Variants in MMP16 observed in about 807,000 individuals in gnomAD.
The protein encoded by MMP16 is matrix metallopeptidase 16.
A neutral mutation model predicts 67.8 loss-of-function variants in MMP16; 12 were observed. The observed-to-expected ratio is 0.18, with a 90% CI of 0.11 to 0.29. The LOEUF (loss-of-function observed/expected upper bound fraction) is 0.29, where lower values mean the gene tolerates loss of function less well. MMP16 is among the 10% of genes least tolerant of loss of function. The pLI is 1.00. For missense variants in MMP16, 475 were observed against 765.7 expected, an observed-to-expected ratio of 0.62 and a Z score of 4.48; for synonymous variants, 249 against 255.9, an observed-to-expected ratio of 0.97 and a Z score of 0.26.
At chr8:88,047,146 T>C (rs1808209598) in intron 8 of MMP16, among the ~76,000 whole-genome samples, 1 of 152,206 alleles carries the variant, frequency 6.6e-6, no homozygotes, top group East Asian at 1.9e-4. Flanking sequence ...TGCATATATA[T>C]ATCAGAGGTT....
intron 1 of MMP16, among the ~76,000 whole-genome samples, chr8:88,298,532 G>A (rs1772745352): frequency 6.6e-6 from 1 of 152,134 alleles, no homozygotes. Context: ...TCACACGAGA[G>A]GAGGGGAGAT....
At chr8:88,229,002 T>C (rs930050037) in intron 1 of MMP16, among the ~76,000 whole-genome samples, 3 of 145,016 alleles carry the variant, frequency 2.1e-5, no homozygotes, top group Non-Finnish European at 1.5e-5. Flanking sequence ...TCTATGAAAA[T>C]AAAAAAAAAA....
chr8:88,283,556 C>T (rs941916919), intron 1 of MMP16, among the ~76,000 whole-genome samples: 2 of 152,102 alleles, frequency 1.3e-5, no homozygotes, highest in South Asian at 2.1e-4. Context: ...TATCTCACCC[C>T]CAGGCACCTC....
rs1329731981 is a variant in MMP16 at position 88,102,935 on chromosome 8, G to A, written c.1083+13572C>T. On this transcript the variant is annotated intron_variant, in intron 6 of 9. Coordinates refer to ENST00000286614, the MANE Select transcript of MMP16 (RefSeq NM_005941.5). ...TTTGCTCAACACTTCTCATTAGCTC[G>A]GTCCCCTACATTCTGTTCCCACCAA... Among the ~76,000 whole-genome samples the A allele has an allele frequency of 5.3e-5, 8 of 151,798 alleles. No homozygotes were observed. The South Asian group carries it at 6.2e-4, about 12-fold the overall frequency.
chr8:88,312,654 T>G (rs1811313127), intron 1 of MMP16, among the ~76,000 whole-genome samples: 1 of 152,154 alleles, frequency 6.6e-6, no homozygotes, highest in South Asian at 2.1e-4. Flanking sequence ...ATCACTGATC[T>G]GCTTTCTGTT....
In MMP16 at chr8:88,225,516, C is replaced by G. The variant is rs563832755; in HGVS notation, c.133-28210G>C. Among the ~76,000 whole-genome samples the G allele has an allele frequency of 5.3e-5, 8 of 151,964 alleles. No homozygotes were observed. The South Asian group carries it at 1.7e-3, about 32-fold the overall frequency. On this transcript the variant is annotated intron_variant, in intron 1 of 9. Transcript: ENST00000286614. ...AAAAACAATGAAATACAAGAGTATACAGAAATACATATTATTCATTGAATA... is the reference window on the plus strand; with the variant it reads ...AAAAACAATGAAATACAAGAGTATAGAGAAATACATATTATTCATTGAATA...
In MMP16 at chr8:88,046,706, A is replaced by C. The variant is rs1286696052; in HGVS notation, c.1452T>G (p.Pro484=). 6.2e-7 allele frequency: 1 copy of C among 1,610,116 alleles called. No homozygotes were observed. The highest frequency in any genetic ancestry group is 1.7e-5 in the Admixed American group (1 of 58,664). Residue 484 remains proline (P), a synonymous_variant, in exon 9 of 10, where the codon CCT becomes CCG. Transcript: ENST00000286614. ...GTACAAATGCTCCCTGAGGAGATTC[A>C]GGGATCCCTTTCCAGACTGTGATTG... ...PKPITVWKGI[P]ESPQGAFVHK... is the part of the protein sequence containing the mutation.
rs562614515 is a variant in MMP16, at chr8:88,208,037, A to G, written c.133-10731T>C. Among the ~76,000 whole-genome samples the G allele has an allele frequency of 3.9e-5, 6 of 152,360 alleles. No individual in the cohort carries two copies. In the South Asian group the frequency reaches 1.2e-3, roughly 32 times the overall value. ...ATAACAGGATAAGTAGCTTCGGCTG[A>G]TAACGAAGCAGGAGACTAGTTATTA... On this transcript the variant is annotated intron_variant, in intron 1 of 9. Coordinates refer to ENST00000286614, the MANE Select transcript of MMP16 (RefSeq NM_005941.5).
In MMP16 at chr8:88,167,845, C is replaced by A. The variant is rs1478992446; in HGVS notation, c.533G>T (p.Gly178Val). 1 of 1,613,828 alleles carries A rather than the reference C, an allele frequency of 6.2e-7. No individual in the cohort carries two copies. ...EEVPYSELEN[G>V]KRDVDITIIF... ...AATGGTTATATCCACATCACGTTTG[C>A]CATTTTCTAATTCACTGTAGGGAAC... Residue 178 changes from glycine (G) to valine (V), a missense_variant, in exon 4 of 10, where the codon GGC becomes GTC. Physicochemically the swap from Gly to Val is moderately radical, Grantham distance 109. Around this residue, in one of 5 missense-constraint regions of MMP16, gnomAD observed 170 missense variants for 239.6 expected, o/e 0.71. Coordinates refer to ENST00000286614, the MANE Select transcript of MMP16 (RefSeq NM_005941.5).
rs775787300 is a variant in MMP16, at chr8:88,118,683, A to G, written c.871+17T>C. 330 of 1,607,144 alleles carry G rather than the reference A, an allele frequency of 2.1e-4. No homozygotes were observed. Among genetic ancestry groups the G allele is most frequent in the Non-Finnish European group, 2.7e-4 (320 of 1,175,724 alleles). On this transcript the variant is annotated intron_variant, in intron 5 of 9. Coordinates refer to ENST00000286614, the MANE Select transcript of MMP16 (RefSeq NM_005941.5). Reference sequence around the variant, plus strand: ...CTTCACTATCGGATTAAGCAAATTGAAACAGTAGTAACCTACCATATATCT... The same window carrying G: ...CTTCACTATCGGATTAAGCAAATTGGAACAGTAGTAACCTACCATATATCT...
chr8:88,163,241 C>T (rs985154358), intron 4 of MMP16, among the ~76,000 whole-genome samples: 1 of 152,056 alleles, frequency 6.6e-6, no homozygotes, highest in Admixed American at 6.6e-5. Context: ...AGTATCACAC[C>T]ATGAACACAT....
intron 7 of MMP16, among the ~76,000 whole-genome samples, chr8:88,057,746 T>A (rs921856701): frequency 1.3e-5 from 2 of 152,144 alleles, no homozygotes; most frequent in Non-Finnish European, 2.9e-5. Flanking sequence ...TCTCATTTAC[T>A]CCAAGAGCTT....
At chr8:88,162,383 G>A (rs1808641621) in intron 4 of MMP16, among the ~76,000 whole-genome samples, 1 of 152,038 alleles carries the variant, frequency 6.6e-6, no homozygotes, top group African/African-American at 2.4e-5. Context: ...TGTAATGGGT[G>A]TGAAAGCCGA....
At chr8:88,281,362 G>A (rs576807134) in intron 1 of MMP16, among the ~76,000 whole-genome samples, 1 of 152,112 alleles carries the variant, frequency 6.6e-6, no homozygotes, top group Admixed American at 6.5e-5. Context: ...GCTCCCAAGG[G>A]GAAGAAAGCA....
At chr8:88,050,713 T>C (rs574248870) in intron 8 of MMP16, among the ~76,000 whole-genome samples, 9 of 152,328 alleles carry the variant, frequency 5.9e-5, no homozygotes, top group African/African-American at 2.2e-4. Context: ...GAAATTCAAA[T>C]GTTACTGCTA....
rs1158929732 is a variant in MMP16, at chr8:88,039,396, A to G, written c.*2065T>C. 6.6e-6 allele frequency: 1 copy of G among 152,530 alleles called. No individual in the cohort carries two copies. Among genetic ancestry groups the G allele is most frequent in the African/African-American group, 2.4e-5 (1 of 41,436 alleles). 9.4% of individuals were successfully genotyped at this position (152,530 alleles called of 1,614,324 possible). A position where few individuals can be genotyped will look rare whatever the true frequency, so the allele number is the denominator to read the frequency against. On this transcript the variant is annotated 3_prime_UTR_variant, in exon 10 of 10. Transcript: ENST00000286614. This position sits in a 1 kb window ranked among gnomAD's most constrained non-coding sequence, Gnocchi z 4.5. ...CAAAGTGTCCATCTGCAGATCTGCC[A>G]TCACCACTCTCTCCACTCTAAGGAA...
chr8:88,301,266 A>T (rs938444205), intron 1 of MMP16, among the ~76,000 whole-genome samples: 7 of 152,070 alleles, frequency 4.6e-5, no homozygotes, highest in African/African-American at 2.4e-5. Context: ...TCGTTCCCTC[A>T]ATATACCTCC....
intron 1 of MMP16, among the ~76,000 whole-genome samples, chr8:88,254,148 A>G (rs905899037): frequency 2.0e-5 from 3 of 152,140 alleles, no homozygotes; most frequent in Non-Finnish European, 4.4e-5. Flanking sequence ...GAATGAGATC[A>G]TGTCCTTTGC....
chr8:88,140,108 C>T (rs1456860299), intron 4 of MMP16, among the ~76,000 whole-genome samples: 2 of 152,096 alleles, frequency 1.3e-5, no homozygotes, highest in Non-Finnish European at 2.9e-5. Flanking sequence ...TCTGGGTCTG[C>T]ATTCTTCTCT....
Sources: gnomAD v4.1 joint callset for allele counts (sites outside exome capture counted in the v4.1 genomes callset) on GRCh38, gnomAD v4.1.1 for gene constraint, gnomAD v4.1.1 regional missense constraint, Gnocchi (gnomAD v3.1) non-coding constraint, MANE v1.5 for transcripts, NCBI Gene and HGNC (gene_info 2026-07-23, HGNC 2026-07-21) for gene names.